Variants in CTNNA3 observed in about 807,000 individuals in gnomAD.
The protein encoded by CTNNA3 is catenin alpha-3.
In CTNNA3, 76 loss-of-function variants were observed where a neutral mutation model predicts 95.7. The ratio of observed to expected loss-of-function variants is 0.79; its 90% confidence interval spans 0.66 to 0.96. The LOEUF (loss-of-function observed/expected upper bound fraction) is 0.96. Among genes scored for constraint, CTNNA3 ranks in the 40% least tolerant of loss-of-function variants. CTNNA3 has a pLI of 0.00. For missense variants in CTNNA3, 1,191 were observed against 1,089.8 expected, an observed-to-expected ratio of 1.09 and a Z score of -1.31; for synonymous variants, 431 against 374.4, an observed-to-expected ratio of 1.15 and a Z score of -1.74.
intron 12 of CTNNA3, among the ~76,000 whole-genome samples, chr10:66,371,422 T>C (rs543123337): frequency 6.6e-6 from 1 of 152,306 alleles, no homozygotes; most frequent in Non-Finnish European, 1.5e-5. Context: ...AGTGGTATCA[T>C]AATACCTTGT....
At chr10:66,922,704 A>G (rs1846854145) in intron 7 of CTNNA3, among the ~76,000 whole-genome samples, 1 of 152,170 alleles carries the variant, frequency 6.6e-6, no homozygotes, top group Admixed American at 6.5e-5. Flanking sequence ...TTTTTCCTTA[A>G]TATTATTTCA....
At chr10:67,589,781 T>C (rs1208840888) in intron 3 of CTNNA3, among the ~76,000 whole-genome samples, 1 of 152,116 alleles carries the variant, frequency 6.6e-6, no homozygotes, top group African/African-American at 2.4e-5. Context: ...TCTGTGGGGA[T>C]CTCATAGTAC....
chr10:66,158,307 G>T (rs774987576), intron 13 of CTNNA3, among the ~76,000 whole-genome samples: 8 of 149,842 alleles, frequency 5.3e-5, no homozygotes, highest in Non-Finnish European at 1.2e-4. Context: ...TCTTAGGTGT[G>T]CATCTTGAGT....
chr10:67,288,346 A>G (rs1481655584), intron 5 of CTNNA3, among the ~76,000 whole-genome samples: 1 of 152,216 alleles, frequency 6.6e-6, no homozygotes, highest in Non-Finnish European at 1.5e-5. Flanking sequence ...CTTCAAAATT[A>G]AAGAAAATCT....
intron 12 of CTNNA3, among the ~76,000 whole-genome samples, chr10:66,360,613 T>TTC (rs751434011): frequency 0.052 from 1,346 of 25,882 alleles, 8 homozygotes; most frequent in South Asian, 0.14. Context: ...CTTTCTTTCT[T>TTC]TCTTTCTTTC....
At chr10:67,000,651 G>A (rs554657081) in intron 7 of CTNNA3, among the ~76,000 whole-genome samples, 210 of 152,222 alleles carry the variant, frequency 1.4e-3, no homozygotes, top group African/African-American at 4.8e-3. Flanking sequence ...TATTACAGGA[G>A]TCTTTACATT....
At chr10:67,570,152 T>A (rs760652342) in intron 3 of CTNNA3, among the ~76,000 whole-genome samples, 37 of 152,046 alleles carry the variant, frequency 2.4e-4, no homozygotes, top group Non-Finnish European at 4.7e-4. Flanking sequence ...ACTCCTGTGC[T>A]GCATTCGACA....
intron 17 of CTNNA3, among the ~76,000 whole-genome samples, chr10:65,938,862 A>G (rs891328227): frequency 4.6e-5 from 7 of 151,950 alleles, no homozygotes; most frequent in East Asian, 3.9e-4. Flanking sequence ...TAACTGGAAG[A>G]CAGCATAGAC....
intron 6 of CTNNA3, among the ~76,000 whole-genome samples, chr10:67,202,418 C>G (rs1287150333): frequency 6.6e-6 from 1 of 152,076 alleles, no homozygotes; most frequent in Non-Finnish European, 1.5e-5. Flanking sequence ...AAGCAAAATA[C>G]TATACTATGA....
chr10:65,930,755 GA>G (rs970909754), intron 17 of CTNNA3, among the ~76,000 whole-genome samples: 38 of 151,756 alleles, frequency 2.5e-4, no homozygotes, highest in African/African-American at 7.5e-4. Flanking sequence ...TCCATCACTA[GA>G]AAAAAAATAT....
At position 67,056,460 on chromosome 10, in the gene CTNNA3, G is replaced by T. The variant is rs186523453; in HGVS notation, c.1047+123857C>A. ...TTTTGCATTATTTTTCTTCATGAGG[G>T]TCTCTCAAATTGTATAAGCTTCAGG... On this transcript the variant is annotated intron_variant, in intron 7 of 17. Transcript: ENST00000433211. 1.6e-4 allele frequency among the ~76,000 whole-genome samples: 25 copies of T among 152,094 alleles called. No homozygotes were observed. In the East Asian group the frequency reaches 4.5e-3, roughly 27 times the overall value.
chr10:67,511,246 G>C (rs1839616468), intron 5 of CTNNA3, among the ~76,000 whole-genome samples: 1 of 152,190 alleles, frequency 6.6e-6, no homozygotes, highest in Admixed American at 6.5e-5. Flanking sequence ...GGAGTGGTGA[G>C]AGAGGGCATC....
At chr10:66,330,822 T>A (rs1589098115) in intron 12 of CTNNA3, among the ~76,000 whole-genome samples, 3 of 144,942 alleles carry the variant, frequency 2.1e-5, no homozygotes, top group African/African-American at 7.4e-5. Context: ...TGATGGCCAG[T>A]GATGATGAGC....
At chr10:67,503,084 C>T (rs535310748) in intron 5 of CTNNA3, among the ~76,000 whole-genome samples, 18 of 152,348 alleles carry the variant, frequency 1.2e-4, no homozygotes, top group Admixed American at 5.2e-4. Context: ...TTGAAACCCA[C>T]GGCCTTGGTA....
At chr10:67,632,154 A>ACC (rs1362329370) in intron 2 of CTNNA3, among the ~76,000 whole-genome samples, 1 of 151,018 alleles carries the variant, frequency 6.6e-6, no homozygotes, top group Admixed American at 6.6e-5. Flanking sequence ...ACACACACAC[A>ACC]CACACACACA....
intron 7 of CTNNA3, among the ~76,000 whole-genome samples, chr10:67,144,127 A>G (rs1023359183): frequency 2.0e-5 from 3 of 152,244 alleles, no homozygotes; most frequent in Non-Finnish European, 4.4e-5. Context: ...TTGGGTGACC[A>G]GGTGCATTGT....
intron 13 of CTNNA3, among the ~76,000 whole-genome samples, chr10:66,108,359 CAAACAT>C (rs1399210714): frequency 1.3e-5 from 2 of 152,064 alleles, no homozygotes. Context: ...TTCTCCTCCT[CAAACAT>C]GTCCCACTTG....
chr10:66,399,971 C>T (rs1437334323), intron 11 of CTNNA3, among the ~76,000 whole-genome samples: 2 of 151,772 alleles, frequency 1.3e-5, no homozygotes, highest in African/African-American at 2.4e-5. Context: ...AGATGAACTC[C>T]TAAATATAAT....
At chr10:67,233,580 C>A (rs1416619285) in intron 5 of CTNNA3, among the ~76,000 whole-genome samples, 1 of 140,094 alleles carries the variant, frequency 7.1e-6, no homozygotes, top group Admixed American at 7.2e-5. Flanking sequence ...AAATTGACAC[C>A]CTAACATCAC....
Sources: allele counts gnomAD v4.1 joint callset (sites outside exome capture counted in the v4.1 genomes callset), GRCh38; gene constraint gnomAD v4.1.1; transcripts MANE v1.5; gene names NCBI Gene and HGNC (gene_info 2026-07-23, HGNC 2026-07-21).